Variants in LY6S observed in about 807,000 individuals in gnomAD.
LY6S encodes lymphocyte antigen 6S.
the LY6S span, among the ~76,000 whole-genome samples, chr8:143,058,660 A>G: frequency 7.2e-5 from 11 of 152,172 alleles, no homozygotes. Flanking sequence ...GGCCCTCCAC[A>G]TGCAGTGGAG....
chr8:143,046,869 C>T, the LY6S span, among the ~76,000 whole-genome samples: 33 of 151,774 alleles, frequency 2.2e-4, no homozygotes, highest in African/African-American at 6.5e-4. Context: ...GGCGTGGTGG[C>T]GGGCACCTGT....
chr8:143,060,687 GT>G, the LY6S span, among the ~76,000 whole-genome samples: 1 of 152,118 alleles, frequency 6.6e-6, no homozygotes, highest in African/African-American at 2.4e-5. Flanking sequence ...CGCCTTGGTG[GT>G]AGTGGTCCCC....
the LY6S span, chr8:143,057,890 C>T: frequency 1.6e-6 from 1 of 635,572 alleles, no homozygotes; most frequent in South Asian, 1.7e-5. Context: ...AGATTTCAAC[C>T]AGCCCATGCG....
At chr8:143,074,909 T>G in the LY6S span, among the ~76,000 whole-genome samples, 1 of 152,370 alleles carries the variant, frequency 6.6e-6, no homozygotes, top group East Asian at 1.9e-4. Context: ...CCCCCAAGAC[T>G]GGCAGTTCCT....
the LY6S span, among the ~76,000 whole-genome samples, chr8:143,072,655 G>A: frequency 5.9e-5 from 8 of 136,234 alleles, no homozygotes; most frequent in East Asian, 4.4e-4. Context: ...CGTCCTCGGG[G>A]TCCCTGTTTG....
the LY6S span, among the ~76,000 whole-genome samples, chr8:143,047,339 G>T: frequency 1.3e-5 from 2 of 151,862 alleles, no homozygotes; most frequent in East Asian, 2.0e-4. Flanking sequence ...TAGAGACGGG[G>T]TTTTACCATG....
At chr8:143,063,506 G>A in the LY6S span, among the ~76,000 whole-genome samples, 1 of 152,118 alleles carries the variant, frequency 6.6e-6, no homozygotes, top group Admixed American at 6.6e-5. Flanking sequence ...TAAAGTCCTC[G>A]CTTCTGTTAC....
the LY6S span, among the ~76,000 whole-genome samples, chr8:143,075,814 A>T: frequency 6.6e-6 from 1 of 152,208 alleles, no homozygotes; most frequent in Non-Finnish European, 1.5e-5. This position sits in a 1 kb window ranked among gnomAD's most constrained non-coding sequence, Gnocchi z 4.1. Flanking sequence ...GTAGTATCTT[A>T]GTTTTAATCA....
At chr8:143,066,354 G>A in the LY6S span, 1 of 205,710 alleles carries the variant, frequency 4.9e-6, no homozygotes, top group Non-Finnish European at 9.8e-6. Context: ...TAGAGACGGG[G>A]TTTTGCCATG....
chr8:143,057,556 T>C, the LY6S span: 15 of 1,198,690 alleles, frequency 1.3e-5, no homozygotes, highest in South Asian at 3.7e-5. Flanking sequence ...CTGCCTTTAG[T>C]CTCTTGATAA....
the LY6S span, among the ~76,000 whole-genome samples, chr8:143,060,277 C>T: frequency 2.0e-5 from 3 of 152,200 alleles, no homozygotes; most frequent in Non-Finnish European, 4.4e-5. Flanking sequence ...GCTCCAGCAC[C>T]TCTTGTGGAG....
the LY6S span, among the ~76,000 whole-genome samples, chr8:143,051,428 C>T: frequency 1.3e-5 from 2 of 152,060 alleles, no homozygotes; most frequent in African/African-American, 4.8e-5. Context: ...GTAATCCCAG[C>T]TACTCGGGAG....
the LY6S span, among the ~76,000 whole-genome samples, chr8:143,073,097 G>A: frequency 3.5e-4 from 43 of 121,162 alleles, no homozygotes; most frequent in African/African-American, 1.5e-3. Context: ...CGTCCCCGGG[G>A]TTCCTGTTTG....
At chr8:143,069,954 G>C in the LY6S span, among the ~76,000 whole-genome samples, 1 of 152,068 alleles carries the variant, frequency 6.6e-6, no homozygotes, top group Non-Finnish European at 1.5e-5. Flanking sequence ...ATTAGGGTCC[G>C]GCAGTGCACT....
the LY6S span, among the ~76,000 whole-genome samples, chr8:143,048,862 C>G: frequency 6.6e-6 from 1 of 152,184 alleles, no homozygotes; most frequent in Non-Finnish European, 1.5e-5. Flanking sequence ...AACTGGCGTT[C>G]TTTGCTGAAC....
At chr8:143,050,176 C>CTTTT in the LY6S span, among the ~76,000 whole-genome samples, 7 of 114,866 alleles carry the variant, frequency 6.1e-5, no homozygotes, top group African/African-American at 1.3e-4. Context: ...CAAAACCTGA[C>CTTTT]TTTTTTTTTT....
chr8:143,044,770 G>T, the LY6S span: 2 of 1,367,462 alleles, frequency 1.5e-6, no homozygotes, highest in Non-Finnish European at 2.0e-6. Context: ...TTCCAAGACC[G>T]CCAAGCATCT....
the LY6S span, chr8:143,053,151 A>ATG: frequency 7.9e-5 from 12 of 152,348 alleles, no homozygotes; most frequent in African/African-American, 2.2e-4. Context: ...ACCACCCCCG[A>ATG]TGGCTGTAAA....
chr8:143,052,426 GCAAA>G, the LY6S span, among the ~76,000 whole-genome samples: 4 of 152,336 alleles, frequency 2.6e-5, no homozygotes, highest in South Asian at 2.1e-4. Flanking sequence ...AACCGTGGGG[GCAAA>G]CAAAGACAAA....
Sources: allele counts gnomAD v4.1 joint callset (sites outside exome capture counted in the v4.1 genomes callset), GRCh38; gene constraint gnomAD v4.1.1; non-coding constraint Gnocchi (gnomAD v3.1); transcripts MANE v1.5; gene names NCBI Gene and HGNC (gene_info 2026-07-23, HGNC 2026-07-21).